Variants in SUSD1 observed in about 807,000 individuals in gnomAD.
SUSD1 encodes the protein sushi domain containing 1, also known as sushi domain-containing protein 1.
SUSD1 carries 65 observed loss-of-function variants against 86.9 expected under a neutral mutation model. The ratio of observed to expected loss-of-function variants is 0.75; its 90% CI spans 0.61 to 0.92. The LOEUF (loss-of-function observed/expected upper bound fraction) is 0.92. SUSD1 is among the 40% of genes least tolerant of loss of function. The pLI is 0.00. For synonymous variants in SUSD1, 346 were observed against 350.0 expected, an observed-to-expected ratio of 0.99 and a Z score of 0.13; for missense variants, 850 against 929.7, an observed-to-expected ratio of 0.91 and a Z score of 1.11.
rs17855713 is a variant in SUSD1, at chr9:112,078,719, G to A, written c.1572C>T (p.His524=). 1.2e-6 allele frequency: 2 copies of A among 1,610,550 alleles called. No individual in the cohort carries two copies. Among genetic ancestry groups the A allele is most frequent in the South Asian group, 1.1e-5 (1 of 90,940 alleles). Residue 524 remains histidine, a synonymous_variant, in exon 12 of 17, where the codon CAC becomes CAT. Transcript: ENST00000374270. Reference sequence around the variant, plus strand: ...TCTGATACCATCTCTGGCCCCAAATGTGGAACTGAAACATAAAAAAGCTCA... The same window carrying A: ...TCTGATACCATCTCTGGCCCCAAATATGGAACTGAAACATAAAAAAGCTCA... ...TADMEEMYLF[H]IWGQRWYQKE... is the part of the protein sequence containing the mutation.
intron 6 of SUSD1, among the ~76,000 whole-genome samples, chr9:112,123,897 C>T (rs1021438130): frequency 2.6e-5 from 4 of 152,106 alleles, no homozygotes; most frequent in African/African-American, 9.7e-5. Flanking sequence ...TATTTTTCGT[C>T]ATACCACCTT....
chr9:112,115,824 G>GAAAAAAAAAGAAAAAAAAAGA (rs1554766278), intron 6 of SUSD1, among the ~76,000 whole-genome samples: 5 of 120,956 alleles, frequency 4.1e-5, no homozygotes, highest in African/African-American at 1.5e-4. Context: ...AAAAAAAAAA[G>GAAAAAAAAAGAAAAAAAAAGA]AAAAAAAAAA....
Position 112,041,417 on chromosome 9 carries a change from G to T in SUSD1, c.*75C>A. ...TGGACGGAAGTCACACGGAGCCTCTGTGCGGGCACCTGAGAAGCTGCCAGA... is the reference window on the plus strand; with the variant it reads ...TGGACGGAAGTCACACGGAGCCTCTTTGCGGGCACCTGAGAAGCTGCCAGA... On this transcript the variant is annotated 3_prime_UTR_variant, in exon 17 of 17. Transcript: ENST00000374270. 2.6e-6 allele frequency: 2 copies of T among 780,100 alleles called. No homozygotes were observed. The highest frequency in any genetic ancestry group is 2.7e-5 in the South Asian group (2 of 74,486). The allele number at this position is 780,100 out of a possible 1,614,324, so 48.3% of individuals were successfully genotyped here. A position where few individuals can be genotyped will look rare whatever the true frequency, so the allele number is the denominator to read the frequency against.
At position 112,093,195 on chromosome 9, in the gene SUSD1, TC is replaced by T. The variant is rs530380097; in HGVS notation, c.1474+5274del. ...AAAGGCAATTTTGGCTTCTCCCTAT[TC>T]CCTATATGTTAATCCTCAAGGAAGG... is the stretch of plus-strand genomic sequence containing the variant. On this transcript the variant is annotated intron_variant, in intron 10 of 16. Transcript: ENST00000374270. Among the ~76,000 whole-genome samples, 145 of 152,318 alleles carry T rather than the reference TC, an allele frequency of 9.5e-4. No homozygotes were observed. The South Asian group carries it at 0.012, about 12-fold the overall frequency.
intron 9 of SUSD1, among the ~76,000 whole-genome samples, chr9:112,101,119 AG>A (rs1830616508): frequency 6.6e-6 from 1 of 151,262 alleles, no homozygotes; most frequent in African/African-American, 2.4e-5. Context: ...CCCAGCACCT[AG>A]GGAAGCTGAG....
rs1165555764 is a variant in SUSD1, at chr9:112,041,940, G to A, written c.2170C>T (p.Gln724Ter). 4.3e-6 allele frequency: 7 copies of A among 1,614,022 alleles called. No homozygotes were observed. The highest frequency in any genetic ancestry group is 5.9e-6 in the Non-Finnish European group (7 of 1,179,942). ...QVKDSSLMLL[Q>*]MAGVGLGSLA... is the part of the protein sequence containing the mutation. ...GAACCCAGTCCAACACCCGCCATCT[G>A]CAGCAGCATGAGTGACGAATCTGTG... The change falls in exon 16 of 17, where the codon CAG (glutamine) becomes TAG (stop). Residue 724 changes from glutamine (Q) to a stop codon, truncating the protein, a stop_gained. Coordinates refer to ENST00000374270, the MANE Select transcript of SUSD1 (RefSeq NM_022486.5). LOFTEE classifies it high-confidence loss of function.
intron 13 of SUSD1, among the ~76,000 whole-genome samples, chr9:112,062,468 G>T (rs1420984759): frequency 6.6e-6 from 1 of 152,192 alleles, no homozygotes; most frequent in East Asian, 1.9e-4. Flanking sequence ...GTTGAGGCTG[G>T]TGGATCACCT....
intron 14 of SUSD1, among the ~76,000 whole-genome samples, chr9:112,054,658 G>A (rs1373497923): frequency 6.6e-6 from 1 of 151,682 alleles, no homozygotes; most frequent in Non-Finnish European, 1.5e-5. Context: ...GAATGAATAT[G>A]GACCCTTACC....
intron 13 of SUSD1, among the ~76,000 whole-genome samples, chr9:112,061,108 T>A (rs1179004129): frequency 1.3e-5 from 2 of 152,176 alleles, no homozygotes; most frequent in Non-Finnish European, 2.9e-5. Context: ...ATTCCTATAA[T>A]CTGGCAATGT....
intron 1 of SUSD1, among the ~76,000 whole-genome samples, chr9:112,168,132 G>A (rs1324488434): frequency 6.6e-6 from 1 of 152,164 alleles, no homozygotes. Flanking sequence ...GTTAATACAT[G>A]AAAAGCAATT....
chr9:112,080,645 G>A (rs1829725172), intron 10 of SUSD1, among the ~76,000 whole-genome samples: 1 of 148,578 alleles, frequency 6.7e-6, no homozygotes. Context: ...CAGAGATTGT[G>A]CCACTGCACT....
At chr9:112,109,818 A>G (rs1003015674) in intron 8 of SUSD1, among the ~76,000 whole-genome samples, 2 of 152,194 alleles carry the variant, frequency 1.3e-5, no homozygotes, top group Non-Finnish European at 2.9e-5. Context: ...TTACCATATT[A>G]ATTTTATAAT....
chr9:112,061,261 T>C (rs1014298840), intron 13 of SUSD1, among the ~76,000 whole-genome samples: 1 of 152,124 alleles, frequency 6.6e-6, no homozygotes, highest in Non-Finnish European at 1.5e-5. Flanking sequence ...CAAAGCAGAC[T>C]CAGGCCTGTC....
intron 10 of SUSD1, among the ~76,000 whole-genome samples, chr9:112,089,615 C>A (rs10981255): frequency 6.6e-6 from 1 of 151,892 alleles, no homozygotes; most frequent in South Asian, 2.1e-4. Context: ...AGGTCAGGAA[C>A]AGCCTGACCA....
At chr9:112,058,350 G>C (rs185721373) in intron 14 of SUSD1, 78 bp downstream of exon 14, 83 of 1,517,254 alleles carry the variant, frequency 5.5e-5, no homozygotes, top group Non-Finnish European at 6.7e-5. Context: ...CATATACTTG[G>C]AAAATAAATG....
At chr9:112,050,205 A>T (rs556972718) in intron 15 of SUSD1, among the ~76,000 whole-genome samples, 141 of 152,288 alleles carry the variant, frequency 9.3e-4, no homozygotes, top group African/African-American at 3.3e-3. Context: ...GGCCTTTATT[A>T]AAGTCCTACA....
intron 12 of SUSD1, among the ~76,000 whole-genome samples, chr9:112,074,608 T>C (rs529176783): frequency 1.3e-5 from 2 of 152,306 alleles, no homozygotes; most frequent in Admixed American, 1.3e-4. Context: ...TCCACTCTCT[T>C]TCCTTCTGGG....
At chr9:112,058,719 C>T in intron 13 of SUSD1, 33 bp from the exon 14 acceptor site, 1 of 1,608,962 alleles carries the variant, frequency 6.2e-7, no homozygotes, top group Admixed American at 1.7e-5. Flanking sequence ...TCCATCAGAC[C>T]CTTGCATGGG....
chr9:112,057,328 T>C (rs1589586383), intron 14 of SUSD1, among the ~76,000 whole-genome samples: 1 of 152,200 alleles, frequency 6.6e-6, no homozygotes, highest in African/African-American at 2.4e-5. Flanking sequence ...AGTTGACTAA[T>C]ATACCCTCCC....
Sources: gnomAD v4.1 joint callset for allele counts (sites outside exome capture counted in the v4.1 genomes callset) on GRCh38, gnomAD v4.1.1 for gene constraint, MANE v1.5 for transcripts, NCBI Gene and HGNC (gene_info 2026-07-23, HGNC 2026-07-21) for gene names.